LRFN5: variants seen among roughly 807,000 people sequenced by gnomAD.
The protein encoded by LRFN5 is leucine-rich repeat and fibronectin type-III domain-containing protein 5.
A neutral mutation model predicts 45.6 loss-of-function variants in LRFN5; 24 were observed. That is an observed-to-expected ratio of 0.53 (90% CI 0.38 to 0.74). The LOEUF (loss-of-function observed/expected upper bound fraction) is 0.74, where lower values mean the gene tolerates loss of function less well. Ranked by LOEUF, LRFN5 falls within the 30% of genes least tolerant of loss-of-function variation. The pLI, the probability that LRFN5 is intolerant of heterozygous loss-of-function variation, is 0.00. For missense variants in LRFN5, 776 were observed against 861.5 expected (o/e 0.90, Z 1.24); for synonymous variants, 340 against 313.8 (o/e 1.08, Z -0.88).
intron 2 of LRFN5, among the ~76,000 whole-genome samples, chr14:41,880,489 T>C (rs1347993630): frequency 6.6e-6 from 1 of 152,140 alleles, no homozygotes; most frequent in African/African-American, 2.4e-5. Flanking sequence ...TATACTTTAA[T>C]TTCAATTAAA....
chr14:41,634,645 A>G (rs906198475), intron 1 of LRFN5, among the ~76,000 whole-genome samples: 4 of 152,182 alleles, frequency 2.6e-5, no homozygotes, highest in African/African-American at 9.7e-5. Flanking sequence ...TTGGTTAACT[A>G]TAATATATCT....
chr14:41,698,847 A>G (rs1378401427), intron 1 of LRFN5, among the ~76,000 whole-genome samples: 1 of 152,082 alleles, frequency 6.6e-6, no homozygotes, highest in Non-Finnish European at 1.5e-5. Context: ...AAATATAATA[A>G]TGGGTGGTAA....
At chr14:41,785,200 T>G (rs1264523691) in intron 2 of LRFN5, among the ~76,000 whole-genome samples, 1 of 152,120 alleles carries the variant, frequency 6.6e-6, no homozygotes, top group Admixed American at 6.5e-5. Context: ...GGTCTTGCTA[T>G]TTTATTCTGC....
rs1213555210 is a variant in LRFN5, at chr14:41,891,708, A to C, written c.1844A>C (p.Glu615Ala). ...AGTGACAATGTGATTCAATCTTCAGAAACTTGTTCGAGTCAGGACTCCTCT... is the reference window on the plus strand; with the variant it reads ...AGTGACAATGTGATTCAATCTTCAGCAACTTGTTCGAGTCAGGACTCCTCT... ...ATSDNVIQSS[E>A]TCSSQDSSTT... Residue 615 changes from glutamate (E) to alanine (A), a missense_variant, in exon 4 of 6, where the codon GAA becomes GCA. Physicochemically the swap from Glu to Ala is moderately radical, Grantham distance 107. This residue lies in a region of LRFN5 where 465 missense variants were observed against 456.4 expected (regional missense o/e 1.02). Transcript: ENST00000298119. The C allele has an allele frequency of 6.2e-7, 1 of 1,614,214 alleles. No homozygotes were observed. Among genetic ancestry groups the C allele is most frequent in the Admixed American group, 1.7e-5 (1 of 60,026 alleles).
intron 1 of LRFN5, among the ~76,000 whole-genome samples, chr14:41,739,910 A>G (rs1048864006): frequency 3.3e-5 from 5 of 151,992 alleles, no homozygotes; most frequent in Non-Finnish European, 5.9e-5. Flanking sequence ...CCTAAAGACT[A>G]TCATGGACAA....
chr14:41,754,202 C>T (rs1310101096), intron 1 of LRFN5, among the ~76,000 whole-genome samples: 2 of 152,072 alleles, frequency 1.3e-5, no homozygotes, highest in Admixed American at 6.6e-5. Context: ...CGATGTTCAT[C>T]GGGGATATTG....
At chr14:41,665,418 C>T (rs1374754) in intron 1 of LRFN5, among the ~76,000 whole-genome samples, 4,214 of 152,116 alleles carry the variant, frequency 0.028, 91 homozygotes, top group Middle Eastern at 0.054. Context: ...TTAGAAATGA[C>T]TACCCTCCAT....
chr14:41,851,287 A>C (rs941270884), intron 2 of LRFN5, among the ~76,000 whole-genome samples: 1 of 67,816 alleles, frequency 1.5e-5, no homozygotes, highest in Admixed American at 1.5e-4. Context: ...CAGACTTACA[A>C]TACTAACATG....
intron 1 of LRFN5, among the ~76,000 whole-genome samples, chr14:41,749,021 C>A (rs1400370128): frequency 2.0e-5 from 3 of 151,926 alleles, no homozygotes; most frequent in African/African-American, 7.3e-5. Flanking sequence ...GAAGTGAGGA[C>A]ACCAGACAGA....
At chr14:41,709,568 C>T (rs903777793) in intron 1 of LRFN5, among the ~76,000 whole-genome samples, 2 of 151,880 alleles carry the variant, frequency 1.3e-5, no homozygotes, top group Admixed American at 6.6e-5. Context: ...GAATATCTTA[C>T]CTGCCAGTCC....
At chr14:41,727,662 T>C (rs1429632506) in intron 1 of LRFN5, among the ~76,000 whole-genome samples, 1 of 151,860 alleles carries the variant, frequency 6.6e-6, no homozygotes, top group Non-Finnish European at 1.5e-5. Context: ...ATAAAATAAA[T>C]AGTCAACATC....
chr14:41,802,008 G>T (rs888378565), intron 2 of LRFN5, among the ~76,000 whole-genome samples: 2 of 152,110 alleles, frequency 1.3e-5, no homozygotes, highest in Non-Finnish European at 2.9e-5. Context: ...TTATGGTGGA[G>T]AAATTAGATG....
intron 1 of LRFN5, among the ~76,000 whole-genome samples, chr14:41,633,461 CTT>C (rs757512713): frequency 6.6e-5 from 10 of 152,050 alleles, no homozygotes; most frequent in Non-Finnish European, 1.3e-4. Context: ...ATTTCAATAA[CTT>C]TGAAAAATTA....
intron 1 of LRFN5, among the ~76,000 whole-genome samples, chr14:41,703,478 TC>T (rs1882921610): frequency 2.0e-5 from 3 of 152,186 alleles, no homozygotes. Flanking sequence ...TTCTCAGTTT[TC>T]CTTTTAAACT....
intron 1 of LRFN5, among the ~76,000 whole-genome samples, chr14:41,712,641 A>G (rs1384478966): frequency 6.6e-6 from 1 of 152,170 alleles, no homozygotes; most frequent in Admixed American, 6.5e-5. Flanking sequence ...CCAAATCACA[A>G]CAATTTTTAT....
At chr14:41,626,801 A>G (rs778802749) in intron 1 of LRFN5, among the ~76,000 whole-genome samples, 4 of 152,120 alleles carry the variant, frequency 2.6e-5, no homozygotes, top group Non-Finnish European at 5.9e-5. Context: ...GATGTATTAG[A>G]CAAAGAAACG....
chr14:41,767,073 A>C (rs559930673), intron 2 of LRFN5, 44 bp downstream of exon 2: 9 of 152,770 alleles, frequency 5.9e-5, no homozygotes, highest in African/African-American at 1.9e-4. Flanking sequence ...GTGGGTTTAA[A>C]ACACTTAAGG....
intron 2 of LRFN5, among the ~76,000 whole-genome samples, chr14:41,875,440 T>C (rs1890154973): frequency 6.6e-6 from 1 of 152,374 alleles, no homozygotes; most frequent in Middle Eastern, 3.4e-3. Flanking sequence ...CAGTTCCTAG[T>C]AGTATTTACT....
intron 1 of LRFN5, among the ~76,000 whole-genome samples, chr14:41,673,062 CAGA>C (rs911620182): frequency 4.6e-5 from 7 of 152,000 alleles, no homozygotes; most frequent in Non-Finnish European, 1.0e-4. Context: ...TTTCACAAGG[CAGA>C]AGAATTTTTC....
Sources: allele counts gnomAD v4.1 joint callset (sites outside exome capture counted in the v4.1 genomes callset), GRCh38; gene constraint gnomAD v4.1.1; regional missense constraint gnomAD v4.1.1; transcripts MANE v1.5; gene names NCBI Gene and HGNC (gene_info 2026-07-23, HGNC 2026-07-21).